The following SLC45A4 variants were observed in gnomAD, a reference collection of about 807,000 sequenced individuals.
SLC45A4 encodes the protein solute carrier family 45 member 4.
In SLC45A4, 32 loss-of-function variants were observed where a neutral mutation model predicts 63.7. That is an observed-to-expected ratio of 0.50 (90% CI 0.38 to 0.67). The LOEUF (loss-of-function observed/expected upper bound fraction) is 0.67. SLC45A4 is among the 30% of genes least tolerant of loss of function. The pLI is 0.00. For synonymous variants in SLC45A4, 535 were observed against 510.0 expected, an observed-to-expected ratio of 1.05 and a Z score of -0.66; for missense variants, 1,027 against 1,157.7, an observed-to-expected ratio of 0.89 and a Z score of 1.64.
At chr8:141,267,936 T>C (rs1829346094) in intron 1 of SLC45A4, among the ~76,000 whole-genome samples, 1 of 152,230 alleles carries the variant, frequency 6.6e-6, no homozygotes, top group East Asian at 1.9e-4. Flanking sequence ...CTTTCAACCA[T>C]GCCACCCAGC....
intron 5 of SLC45A4, 37 bp from the exon 6 acceptor site, chr8:141,217,226 C>G: frequency 6.3e-7 from 1 of 1,588,872 alleles, no homozygotes; most frequent in South Asian, 1.1e-5. Flanking sequence ...ACGAGGGCAT[C>G]TGCTGGGCCC....
chr8:141,305,599 T>G (rs986987788), intron 1 of SLC45A4, among the ~76,000 whole-genome samples: 2 of 152,178 alleles, frequency 1.3e-5, no homozygotes, highest in African/African-American at 4.8e-5. Context: ...CACTGGCAAT[T>G]TGGGGTTGTC....
intron 2 of SLC45A4, among the ~76,000 whole-genome samples, chr8:141,240,423 C>T (rs948988776): frequency 2.3e-4 from 35 of 152,140 alleles, no homozygotes; most frequent in African/African-American, 8.0e-4. Flanking sequence ...TTCTCCTTCC[C>T]GAGGGAAAAA....
chr8:141,279,217 ACCGTGCCAGGCGGCCTTT>A (rs1319480059), intron 1 of SLC45A4, among the ~76,000 whole-genome samples: 2 of 151,932 alleles, frequency 1.3e-5, no homozygotes, highest in Non-Finnish European at 2.9e-5. Flanking sequence ...CTCTATCCCC[ACCGTGCCAGGCGGCCTTT>A]CCTTGCCTCC....
intron 2 of SLC45A4, among the ~76,000 whole-genome samples, chr8:141,233,104 A>G (rs1827450344): frequency 6.6e-6 from 1 of 152,120 alleles, no homozygotes; most frequent in Admixed American, 6.5e-5. Flanking sequence ...ACCTAAATCA[A>G]CTGTAAGCAA....
At chr8:141,235,069 T>C (rs916834678) in intron 2 of SLC45A4, among the ~76,000 whole-genome samples, 2 of 152,014 alleles carry the variant, frequency 1.3e-5, no homozygotes, top group African/African-American at 4.8e-5. Context: ...CATCTCCGAG[T>C]GAAGGTGCAG....
chr8:141,290,761 C>T (rs947571081), intron 1 of SLC45A4, among the ~76,000 whole-genome samples: 1 of 152,238 alleles, frequency 6.6e-6, no homozygotes, highest in African/African-American at 2.4e-5. Context: ...TGCGTGTGGT[C>T]TTACCCTACG....
rs776173477 is a variant in SLC45A4, at chr8:141,218,154, G to C, written c.1486C>G (p.Leu496Val). The C allele has an allele frequency of 6.2e-7, 1 of 1,609,540 alleles. No homozygotes were observed. Among genetic ancestry groups the C allele is most frequent in the Non-Finnish European group, 8.5e-7 (1 of 1,179,936 alleles). Reference sequence around the variant, plus strand: ...ATCTTCAGCATGGAGAGCCACAGCAGGCGCACCGTGGTCTCGCCCTCCCCC... The same window carrying C: ...ATCTTCAGCATGGAGAGCCACAGCACGCGCACCGTGGTCTCGCCCTCCCCC... ...EEGEGETTVR[L>V]LWLSMLKMPR... Residue 496 changes from leucine (L) to valine (V), a missense_variant, in exon 5 of 9, where the codon CTG becomes GTG. Physicochemically the swap from Leu to Val is conservative, Grantham distance 32 (BLOSUM62 1). Transcript: ENST00000517878.
chr8:141,307,860 G>A (rs1830948859), intron 1 of SLC45A4, among the ~76,000 whole-genome samples: 1 of 150,176 alleles, frequency 6.7e-6, no homozygotes, highest in Non-Finnish European at 1.5e-5. Context: ...CAGGGCAGGT[G>A]CAATCCGGAA....
At chr8:141,298,536 G>GCAC (rs1830640018) in intron 1 of SLC45A4, among the ~76,000 whole-genome samples, 1 of 152,188 alleles carries the variant, frequency 6.6e-6, no homozygotes, top group Non-Finnish European at 1.5e-5. Flanking sequence ...GCAAAATTGG[G>GCAC]CACCAAAGGC....
At chr8:141,243,232 T>C (rs1242984401) in intron 2 of SLC45A4, among the ~76,000 whole-genome samples, 2 of 152,128 alleles carry the variant, frequency 1.3e-5, no homozygotes, top group Admixed American at 6.6e-5. Context: ...GGTCCTCCAA[T>C]GTCGGAGGGA....
rs143343120 is a variant in SLC45A4, at chr8:141,221,619, C to T, written c.388G>A (p.Val130Ile). Residue 130 changes from valine to isoleucine, a missense_variant, in exon 3 of 9, where the codon GTC becomes ATC. Val to Ile is a conservative substitution (Grantham distance 29). Coordinates refer to ENST00000517878, the MANE Select transcript of SLC45A4 (RefSeq NM_001286646.2). ...AGGAAAAGTGCAACGCCAAAGAGGA[C>T]GCCAACGCAGAGGGCGAGGATGAAG... ...RPFILALCVG[V>I]LFGVALFLNG... 21 of 1,613,878 alleles carry T rather than the reference C, an allele frequency of 1.3e-5. No homozygotes were observed. Among genetic ancestry groups the T allele is most frequent in the South Asian group, 8.8e-5 (8 of 91,070 alleles).
intron 2 of SLC45A4, chr8:141,228,709 A>C: frequency 1.2e-6 from 1 of 822,666 alleles, no homozygotes; most frequent in Middle Eastern, 6.1e-4. Flanking sequence ...AGCTTCCTGA[A>C]GAGCACAAAA....
chr8:141,249,017 T>TAA (rs34897440), intron 2 of SLC45A4, among the ~76,000 whole-genome samples: 30 of 119,318 alleles, frequency 2.5e-4, no homozygotes, highest in South Asian at 8.1e-4. Context: ...GACCCCATCT[T>TAA]AAAAAAAAAA....
chr8:141,288,280 C>T (rs534059512), intron 1 of SLC45A4, among the ~76,000 whole-genome samples: 3 of 152,310 alleles, frequency 2.0e-5, no homozygotes, highest in East Asian at 1.9e-4. Context: ...GAAGGCTGGC[C>T]GCTCAGTGCA....
chr8:141,224,848 A>T (rs1024956672), intron 2 of SLC45A4: 1 of 152,234 alleles, frequency 6.6e-6, no homozygotes, highest in African/African-American at 2.4e-5. Context: ...TTCCTGGAGC[A>T]TTCTTCATTT....
rs1348639845 is a variant in SLC45A4, at chr8:141,278,568, G to A, written c.-400-23939C>T. ...ACAGGGGTGAGCACCTGCAGTGGAGGTGGGGCGGGCAGCCGAAGGAGAGAC... is the reference window on the plus strand; with the variant it reads ...ACAGGGGTGAGCACCTGCAGTGGAGATGGGGCGGGCAGCCGAAGGAGAGAC... On this transcript the variant is annotated intron_variant, in intron 1 of 8. Transcript: ENST00000517878. The surrounding 1 kb of genome is among the most constrained non-coding windows in gnomAD (Gnocchi z 4.1). 6.6e-6 allele frequency among the ~76,000 whole-genome samples: 1 copy of A among 152,136 alleles called. No individual in the cohort carries two copies. The highest frequency in any genetic ancestry group is 2.4e-5 in the African/African-American group (1 of 41,448).
At chr8:141,287,134 A>T (rs1830177464) in intron 1 of SLC45A4, among the ~76,000 whole-genome samples, 1 of 152,128 alleles carries the variant, frequency 6.6e-6, no homozygotes, top group Admixed American at 6.5e-5. Context: ...ACACGCTTTC[A>T]TTCTACAACT....
At chr8:141,307,347 G>A (rs1830928953) in intron 1 of SLC45A4, among the ~76,000 whole-genome samples, 1 of 152,180 alleles carries the variant, frequency 6.6e-6, no homozygotes, top group African/African-American at 2.4e-5. Context: ...CTTTCCTCCA[G>A]GGACAAGGTC....
Sources: gnomAD v4.1 joint callset for allele counts (sites outside exome capture counted in the v4.1 genomes callset) on GRCh38, gnomAD v4.1.1 for gene constraint, Gnocchi (gnomAD v3.1) non-coding constraint, MANE v1.5 for transcripts, NCBI Gene and HGNC (gene_info 2026-07-23, HGNC 2026-07-21) for gene names.